The following RETREG1 variants were observed in gnomAD, a reference collection of about 807,000 sequenced individuals.
RETREG1 encodes the protein family with sequence similarity 134 member B.
Under a neutral mutation model 54.8 loss-of-function variants are expected in RETREG1, and 44 were observed. The ratio of observed to expected loss-of-function variants is 0.80; its 90% CI spans 0.63 to 1.03. RETREG1 has a LOEUF of 1.03. RETREG1 is among the 50% of genes least tolerant of loss of function. The pLI, the probability that RETREG1 is intolerant of heterozygous loss-of-function variation, is 0.00. For missense variants in RETREG1, 554 were observed against 605.1 expected, an observed-to-expected ratio of 0.92 and a Z score of 0.89; for synonymous variants, 217 against 238.5, an observed-to-expected ratio of 0.91 and a Z score of 0.83.
chr5:16,478,781 G>T, intron 6 of RETREG1, 69 bp downstream of exon 6: 4 of 1,448,516 alleles, frequency 2.8e-6, no homozygotes, highest in Non-Finnish European at 3.9e-6. Flanking sequence ...ATGTATTAAA[G>T]AATTTCCTAA....
intron 6 of RETREG1, among the ~76,000 whole-genome samples, 168 bp downstream of exon 6, chr5:16,478,682 G>A (rs1738639295): frequency 6.6e-6 from 1 of 152,034 alleles, no homozygotes; most frequent in African/African-American, 2.4e-5. Flanking sequence ...AGAAAAGAAG[G>A]AAAGCCCAAA....
At chr5:16,527,958 C>T (rs947165867) in intron 3 of RETREG1, among the ~76,000 whole-genome samples, 2 of 151,886 alleles carry the variant, frequency 1.3e-5, no homozygotes, top group African/African-American at 4.8e-5. Context: ...TACAGACACC[C>T]GCCACCACAC....
intron 3 of RETREG1, among the ~76,000 whole-genome samples, chr5:16,536,442 G>A (rs1741075815): frequency 6.6e-6 from 1 of 152,016 alleles, no homozygotes; most frequent in Admixed American, 6.6e-5. Context: ...GAGAGTGACA[G>A]GACCATTAGT....
At position 16,594,208 on chromosome 5, in the gene RETREG1, A is replaced by C. The variant is rs1408745174; in HGVS notation, c.321-22106T>G. On this transcript the variant is annotated intron_variant, in intron 1 of 8. Transcript: ENST00000306320. The surrounding 1 kb of genome is among the most constrained non-coding windows in gnomAD (Gnocchi z 4.4). The stretch of plus-strand genomic sequence containing the variant: ...TCAGTCATACAGTGCATCGATGTAC[A>C]AGGGTGCTGAACCTTTTGGCTGTAT... Among the ~76,000 whole-genome samples, 1 of 152,264 alleles carries C rather than the reference A, an allele frequency of 6.6e-6. No individual in the cohort carries two copies. Among genetic ancestry groups the C allele is most frequent in the Non-Finnish European group, 1.5e-5 (1 of 68,046 alleles).
rs11358957 is a variant in RETREG1 at position 16,508,720 on chromosome 5, AG to A, written c.459-25249del. ...TTCTACTCTAATGCTGAATATCAGG[AG>A]GAAAAAAACCCAGTAGAGACGTTCT... On this transcript the variant is annotated intron_variant, in intron 3 of 8. Coordinates refer to ENST00000306320, the MANE Select transcript of RETREG1 (RefSeq NM_001034850.3). The A allele has an allele frequency of 0.053, 83,566 of 1,575,048 alleles. 2,552 individuals are homozygous for A. The highest frequency in any genetic ancestry group is 0.097 in the Middle Eastern group (577 of 5,958).
At chr5:16,528,661 G>C (rs1415010264) in intron 3 of RETREG1, among the ~76,000 whole-genome samples, 1 of 152,216 alleles carries the variant, frequency 6.6e-6, no homozygotes, top group Non-Finnish European at 1.5e-5. Context: ...ACAAGGTAAA[G>C]TTATATGTAA....
intron 1 of RETREG1, among the ~76,000 whole-genome samples, chr5:16,579,426 G>A (rs1269419149): frequency 1.3e-5 from 2 of 152,128 alleles, no homozygotes; most frequent in African/African-American, 4.8e-5. Flanking sequence ...TAATCTGCCT[G>A]CTCCCACATG....
chr5:16,552,853 ACGGCTGG>A (rs1484630854), intron 3 of RETREG1, among the ~76,000 whole-genome samples: 1 of 152,226 alleles, frequency 6.6e-6, no homozygotes, highest in Non-Finnish European at 1.5e-5. Flanking sequence ...TTGGAGCCAC[ACGGCTGG>A]GTTCTGCAGT....
At chr5:16,596,480 G>A (rs369100889) in intron 1 of RETREG1, among the ~76,000 whole-genome samples, 1 of 152,188 alleles carries the variant, frequency 6.6e-6, no homozygotes, top group Non-Finnish European at 1.5e-5. Context: ...CATTACGCTC[G>A]AAGCCAAACC....
chr5:16,545,330 A>C (rs1440033508), intron 3 of RETREG1, among the ~76,000 whole-genome samples: 1 of 152,156 alleles, frequency 6.6e-6, no homozygotes, highest in East Asian at 1.9e-4. Flanking sequence ...GCACTGTTTG[A>C]TATGGGATAT....
intron 3 of RETREG1, among the ~76,000 whole-genome samples, chr5:16,533,975 T>G (rs1007447686): frequency 2.8e-4 from 42 of 152,052 alleles, no homozygotes; most frequent in African/African-American, 9.9e-4. Context: ...GTTGGTGGAG[T>G]GTGAGGTCTG....
At chr5:16,555,704 A>C (rs1282153129) in intron 3 of RETREG1, among the ~76,000 whole-genome samples, 1 of 152,158 alleles carries the variant, frequency 6.6e-6, no homozygotes, top group South Asian at 2.1e-4. Context: ...TATTACCTTT[A>C]CAATTGGGGA....
chr5:16,601,374 CAA>C (rs1291088155), intron 1 of RETREG1, among the ~76,000 whole-genome samples: 1 of 143,364 alleles, frequency 7.0e-6, no homozygotes, highest in African/African-American at 2.5e-5. Flanking sequence ...GGAAAAAAAA[CAA>C]AGAGGAGGAA....
At chr5:16,530,683 GC>G (rs1176928634) in intron 3 of RETREG1, among the ~76,000 whole-genome samples, 1 of 152,110 alleles carries the variant, frequency 6.6e-6, no homozygotes, top group African/African-American at 2.4e-5. Flanking sequence ...GACCAGCCTC[GC>G]CAACGTGGCA....
In RETREG1 at chr5:16,582,764, G is replaced by A. The variant is rs540652072; in HGVS notation, c.321-10662C>T. 1.7e-4 allele frequency among the ~76,000 whole-genome samples: 26 copies of A among 152,170 alleles called. No homozygotes were observed. The East Asian group carries it at 3.9e-3, about 23-fold the overall frequency. Reference sequence around the variant, plus strand: ...TTCCTATCAAATTCCAGGCTTTGACGAATATCAAAATTAGTCTGCACTGGC... The same window carrying A: ...TTCCTATCAAATTCCAGGCTTTGACAAATATCAAAATTAGTCTGCACTGGC... On this transcript the variant is annotated intron_variant, in intron 1 of 8. Transcript: ENST00000306320.
chr5:16,474,707 G>GTTTTTT lies in RETREG1; in HGVS notation c.*28_*33dup. 7.3e-7 allele frequency: 1 copy of GTTTTTT among 1,372,064 alleles called. No homozygotes were observed. The highest frequency in any genetic ancestry group is 9.6e-7 in the Non-Finnish European group (1 of 1,045,986). 85.0% of individuals were successfully genotyped at this position (1,372,064 alleles called of 1,614,324 possible). A position where few individuals can be genotyped will look rare whatever the true frequency, so the allele number is the denominator to read the frequency against. The stretch of plus-strand genomic sequence containing the variant: ...TTTTCTTGTTTGAAATTTTTTTGGT[G>GTTTTTT]TTTTTTGTGCTCTGTTGCAAGCTGA... On this transcript the variant is annotated 3_prime_UTR_variant, in exon 9 of 9. Transcript: ENST00000306320.
intron 3 of RETREG1, among the ~76,000 whole-genome samples, chr5:16,498,469 TTG>T (rs2126545411): frequency 6.6e-6 from 1 of 152,292 alleles, no homozygotes; most frequent in Non-Finnish European, 1.5e-5. Flanking sequence ...TCCCAATACT[TTG>T]GGAAGTCGAG....
rs138646249 is a variant in RETREG1, at chr5:16,614,370, A to G, written c.320+2282T>C. Among the ~76,000 whole-genome samples, 47 of 152,374 alleles carry G rather than the reference A, an allele frequency of 3.1e-4. 1 individual carries two copies. In the East Asian group the frequency reaches 9.1e-3, roughly 29 times the overall value. On this transcript the variant is annotated intron_variant, in intron 1 of 8. Coordinates refer to ENST00000306320, the MANE Select transcript of RETREG1 (RefSeq NM_001034850.3). ...TTGAAAAAATAGACAAAGGTTATTT[A>G]TAAACAAACAATGCTGATAAATGGT...
At chr5:16,615,072 T>G (rs1317573829) in intron 1 of RETREG1, among the ~76,000 whole-genome samples, 2 of 152,140 alleles carry the variant, frequency 1.3e-5, no homozygotes, top group Non-Finnish European at 2.9e-5. Context: ...ACTGTATTAG[T>G]TTTTTAAAGA....
Sources: gnomAD v4.1 joint callset for allele counts (sites outside exome capture counted in the v4.1 genomes callset) on GRCh38, gnomAD v4.1.1 for gene constraint, Gnocchi (gnomAD v3.1) non-coding constraint, MANE v1.5 for transcripts, NCBI Gene and HGNC (gene_info 2026-07-23, HGNC 2026-07-21) for gene names.